HK1: variants seen among roughly 807,000 people sequenced by gnomAD.
The protein encoded by HK1 is hexokinase 1, also known as hexokinase-1.
Under a neutral mutation model 91.6 loss-of-function variants are expected in HK1, and 28 were observed. The observed-to-expected ratio is 0.31, with a 90% CI of 0.23 to 0.42. HK1 has a LOEUF of 0.42. Ranked by LOEUF, HK1 falls within the 10% of genes least tolerant of loss-of-function variation. HK1 has a pLI of 1.00. For missense variants in HK1, 770 were observed against 1,219.8 expected (o/e 0.63, Z 5.49); for synonymous variants, 430 against 468.1 (o/e 0.92, Z 1.05).
At chr10:69,316,510 T>C (rs1169816361), upstream of HK1, among the ~76,000 whole-genome samples, 1 of 152,216 alleles carries the variant, frequency 6.6e-6, no homozygotes, top group Non-Finnish European at 1.5e-5. Context: ...TTGACAGGCC[T>C]TGGGGCCTGG....
intron 7 of HK1, among the ~76,000 whole-genome samples, chr10:69,374,454 A>G (rs548408284): frequency 5.8e-4 from 88 of 152,324 alleles, no homozygotes; most frequent in African/African-American, 1.1e-3. Flanking sequence ...CAGTTATCAC[A>G]AGGAAAAGGG....
chr10:69,344,110 C>CCCATCCAT (rs149581082), intron 2 of HK1, 121 bp downstream of exon 2: 7 of 983,728 alleles, frequency 7.1e-6, no homozygotes, highest in African/African-American at 6.4e-5. Flanking sequence ...AATCTGCTCT[C>CCCATCCAT]CCATCCATCC....
rs759324845 is a variant in HK1 at position 69,300,845 on chromosome 10, G to C, written c.11G>C (p.Arg4Thr). ...TGGTGGCGTGGAAAGATGGCAAAAA[G>C]AGCCCTGCATGATTTTGTACGTAGA... is the stretch of plus-strand genomic sequence containing the variant. The change falls in exon 5 of 22, where the codon AGA becomes ACA. Residue 4 changes from arginine (R) to threonine (T), a missense_variant. Transcript: ENST00000360289. 5 of 1,594,926 alleles carry C rather than the reference G, an allele frequency of 3.1e-6. No homozygotes were observed. In the Admixed American group the frequency reaches 8.4e-5, roughly 27 times the overall value.
At chr10:69,330,949 G>A (rs1263514996) in intron 1 of HK1, among the ~76,000 whole-genome samples, 1 of 150,460 alleles carries the variant, frequency 6.6e-6, no homozygotes, top group African/African-American at 2.5e-5. Flanking sequence ...GTGCAGTCTC[G>A]GCTCACTGCA....
chr10:69,295,485 ATG>A, intron 3 of HK1: 1 of 682,810 alleles, frequency 1.5e-6, no homozygotes, highest in South Asian at 1.6e-5. Context: ...ATTGGTAATC[ATG>A]ATAGAATTTG....
chr10:69,301,416 A>G (rs1845857165), intron 5 of HK1, among the ~76,000 whole-genome samples: 1 of 150,804 alleles, frequency 6.6e-6, no homozygotes, highest in Non-Finnish European at 1.5e-5. Flanking sequence ...TCTACTAAAA[A>G]TACAAAAACT....
At chr10:69,315,212 G>A (rs150239779), upstream of HK1, among the ~76,000 whole-genome samples, 404 of 152,316 alleles carry the variant, frequency 2.7e-3, 1 homozygote, top group African/African-American at 9.3e-3. Context: ...AACTGTCAAC[G>A]TTATGTAAAC....
At chr10:69,330,719 A>G (rs187755274) in intron 1 of HK1, among the ~76,000 whole-genome samples, 8 of 152,232 alleles carry the variant, frequency 5.3e-5, no homozygotes, top group Non-Finnish European at 7.4e-5. Context: ...ATCTCTGGAG[A>G]TACAGGGACA....
intron 4 of HK1, among the ~76,000 whole-genome samples, chr10:69,296,958 G>A (rs6480394): frequency 0.76 from 115,775 of 151,974 alleles, 44,391 homozygotes; most frequent in East Asian, 0.9. Flanking sequence ...CCTCCAGGAT[G>A]TGTGCTGTGC....
chr10:69,387,302 T>C (rs1839684295), intron 13 of HK1, among the ~76,000 whole-genome samples: 1 of 152,164 alleles, frequency 6.6e-6, no homozygotes, highest in African/African-American at 2.4e-5. Flanking sequence ...AAAGTTTCCT[T>C]TTTTGAGACA....
At chr10:69,364,923 T>G in intron 4 of HK1, 21 bp downstream of exon 4, 1 of 1,614,100 alleles carries the variant, frequency 6.2e-7, no homozygotes, top group Non-Finnish European at 8.5e-7. Context: ...TCTGGGATTA[T>G]CGGGCTCTGC....
chr10:69,350,732 A>G (rs1222952966), intron 2 of HK1, among the ~76,000 whole-genome samples: 1 of 152,190 alleles, frequency 6.6e-6, no homozygotes, highest in Admixed American at 6.5e-5. Context: ...AAATTAATTA[A>G]GTAAAATATT....
Position 69,369,456 on chromosome 10 carries a change from C to T in HK1, c.707C>T (p.Ala236Val). ...TCCTGCCCAGGCACTGGCACCAATG[C>T]TTGCTACATGGAGGAACTGAGGCAC... ...VGLIIGTGTN[A>V]CYMEELRHID... Residue 236 changes from alanine (A) to valine (V), a missense_variant, in exon 7 of 18, where the codon GCT becomes GTT. By Grantham distance (64) the Ala-to-Val change is moderately conservative (BLOSUM62 0). This residue lies in a region of HK1 where 449 missense variants were observed against 665.1 expected (regional missense o/e 0.68). Transcript: ENST00000359426. This position sits in a 1 kb window ranked among gnomAD's most constrained non-coding sequence, Gnocchi z 4.4. The T allele has an allele frequency of 6.2e-7, 1 of 1,614,244 alleles. No individual in the cohort carries two copies. Among genetic ancestry groups the T allele is most frequent in the Non-Finnish European group, 8.5e-7 (1 of 1,180,046 alleles).
At chr10:69,303,119 C>A (rs190808812) in intron 5 of HK1, among the ~76,000 whole-genome samples, 60 of 152,030 alleles carry the variant, frequency 3.9e-4, no homozygotes, top group Middle Eastern at 6.8e-3. Context: ...ACAGAAAACT[C>A]CAAAATAGCA....
Position 69,382,514 on chromosome 10 carries a change from A to G in HK1, c.1293A>G (p.Leu431=), listed in dbSNP as rs2132884260. The G allele has an allele frequency of 6.2e-7, 1 of 1,614,168 alleles. No individual in the cohort carries two copies. The highest frequency in any genetic ancestry group is 8.5e-7 in the Non-Finnish European group (1 of 1,180,034). ...PQYSRRFHKT[L]RRLVPDSDVR... ...ATTCCCGGCGTTTCCACAAGACTCT[A>G]AGGCGCTTGGTGCCAGACTCCGATG... Residue 431 remains leucine (L), a synonymous_variant, in exon 10 of 18, where the codon CTA becomes CTG. Transcript: ENST00000359426.
At chr10:69,357,421 C>CCAG (rs1487867564) in intron 2 of HK1, among the ~76,000 whole-genome samples, 1 of 152,122 alleles carries the variant, frequency 6.6e-6, no homozygotes, top group African/African-American at 2.4e-5. Context: ...GTGAAATGAG[C>CCAG]CAGTCATACA....
chr10:69,326,157 T>C (rs1847364277), intron 1 of HK1, among the ~76,000 whole-genome samples: 1 of 151,816 alleles, frequency 6.6e-6, no homozygotes, highest in Non-Finnish European at 1.5e-5. Flanking sequence ...TTAATGGCTT[T>C]TTGTCTCTGG....
intron 3 of HK1, among the ~76,000 whole-genome samples, chr10:69,291,160 G>A (rs919103437): frequency 6.6e-6 from 1 of 152,212 alleles, no homozygotes; most frequent in Non-Finnish European, 1.5e-5. Flanking sequence ...ATTTAAAGCA[G>A]GCCAGGCCAG....
chr10:69,351,430 A>G (rs1820735586), intron 2 of HK1, among the ~76,000 whole-genome samples: 1 of 151,552 alleles, frequency 6.6e-6, no homozygotes, highest in East Asian at 1.9e-4. Flanking sequence ...AATCGCTTGA[A>G]CCCCGGAGGC....
Sources: allele counts gnomAD v4.1 joint callset (sites outside exome capture counted in the v4.1 genomes callset), GRCh38; gene constraint gnomAD v4.1.1; regional missense constraint gnomAD v4.1.1; non-coding constraint Gnocchi (gnomAD v3.1); transcripts MANE v1.5; gene names NCBI Gene and HGNC (gene_info 2026-07-23, HGNC 2026-07-21).